Variants in ADAMTS20 observed in about 807,000 individuals in gnomAD.
ADAMTS20 encodes the protein A disintegrin and metalloproteinase with thrombospondin motifs 20.
In ADAMTS20, 225 loss-of-function variants were observed where a neutral mutation model predicts 260.1. That is an observed-to-expected ratio of 0.87 (90% CI 0.78 to 0.97). The LOEUF (loss-of-function observed/expected upper bound fraction) is 0.97. ADAMTS20 is among the 50% of genes least tolerant of loss of function. The probability of loss-of-function intolerance (pLI) is 0.00; values close to 1 mark genes in which losing one functional copy is unlikely to be tolerated. For synonymous variants in ADAMTS20, 802 were observed against 769.5 expected (o/e 1.04, Z -0.70); for missense variants, 2,400 against 2,337.7 (o/e 1.03, Z -0.55).
intron 29 of ADAMTS20, among the ~76,000 whole-genome samples, chr12:43,397,148 T>C (rs570573504): frequency 6.6e-6 from 1 of 152,312 alleles, no homozygotes; most frequent in Admixed American, 6.5e-5. Context: ...ATTTAAGAGA[T>C]GGTGAGTATT....
chr12:43,437,738 A>G (rs1212107383), intron 18 of ADAMTS20, among the ~76,000 whole-genome samples: 1 of 152,202 alleles, frequency 6.6e-6, no homozygotes, highest in Non-Finnish European at 1.5e-5. Context: ...TAAATCAAAA[A>G]GAGGGACTGA....
At chr12:43,395,879 T>C (rs918976151) in intron 29 of ADAMTS20, among the ~76,000 whole-genome samples, 1 of 151,874 alleles carries the variant, frequency 6.6e-6, no homozygotes, top group Non-Finnish European at 1.5e-5. Context: ...TTCAGAATAT[T>C]TTTTTCCTAG....
At chr12:43,398,421 TG>T (rs1484796803) in intron 29 of ADAMTS20, among the ~76,000 whole-genome samples, 1 of 152,154 alleles carries the variant, frequency 6.6e-6, no homozygotes, top group Non-Finnish European at 1.5e-5. Flanking sequence ...GCTTCATTTT[TG>T]CTGAGTCTTT....
intron 2 of ADAMTS20, among the ~76,000 whole-genome samples, chr12:43,547,868 A>C (rs539262268): frequency 6.6e-6 from 1 of 152,338 alleles, no homozygotes; most frequent in East Asian, 1.9e-4. Context: ...ATAAGTTCTC[A>C]GGCCCAGAAA....
chr12:43,453,264 A>G (rs950792382), intron 12 of ADAMTS20, among the ~76,000 whole-genome samples: 2 of 152,200 alleles, frequency 1.3e-5, no homozygotes, highest in African/African-American at 4.8e-5. Flanking sequence ...AGAGTAAGTC[A>G]CATTTCTGCA....
chr12:43,356,397 A>G, intron 38 of ADAMTS20, 87 bp downstream of exon 38: 5 of 782,304 alleles, frequency 6.4e-6, no homozygotes, highest in Non-Finnish European at 1.0e-5. Flanking sequence ...AATTTCATAT[A>G]AGTTTACATT....
intron 27 of ADAMTS20, among the ~76,000 whole-genome samples, chr12:43,426,707 G>A (rs1237413331): frequency 1.3e-5 from 2 of 152,082 alleles, no homozygotes; most frequent in Non-Finnish European, 2.9e-5. Flanking sequence ...GATTAAACAT[G>A]TTTTATATTT....
chr12:43,366,595 A>T (rs1332305987), intron 37 of ADAMTS20, among the ~76,000 whole-genome samples: 2 of 151,900 alleles, frequency 1.3e-5, no homozygotes, highest in Admixed American at 1.3e-4. Flanking sequence ...TTAGTGGATA[A>T]AATAACACAG....
intron 7 of ADAMTS20, among the ~76,000 whole-genome samples, chr12:43,479,245 A>G (rs919587487): frequency 2.6e-5 from 4 of 152,236 alleles, no homozygotes. Context: ...CGAGGTAACT[A>G]ATTGTAAAAT....
chr12:43,415,426 A>G lies in ADAMTS20; in HGVS notation c.4284+10088T>C, dbSNP rs143176026. Among the ~76,000 whole-genome samples, 1,092 of 152,318 alleles carry G rather than the reference A, an allele frequency of 7.2e-3. 16 individuals are homozygous for G. Among genetic ancestry groups the G allele is most frequent in the African/African-American group, 0.026 (1,070 of 41,566 alleles). On this transcript the variant is annotated intron_variant, in intron 28 of 38. Coordinates refer to ENST00000389420, the MANE Select transcript of ADAMTS20 (RefSeq NM_025003.5). ...ACTAGAGTACAACTTTCTCAAGTAG[A>G]CTTGTTTCAGATTGTTTGAAATATT...
At chr12:43,491,573 T>G (rs1942600528) in intron 6 of ADAMTS20, among the ~76,000 whole-genome samples, 1 of 152,186 alleles carries the variant, frequency 6.6e-6, no homozygotes, top group Non-Finnish European at 1.5e-5. Flanking sequence ...GTAGTATCAC[T>G]GTTGCTGAAA....
chr12:43,371,445 C>G (rs1250423284), intron 36 of ADAMTS20, among the ~76,000 whole-genome samples: 5 of 152,082 alleles, frequency 3.3e-5, no homozygotes, highest in Non-Finnish European at 7.3e-5. Flanking sequence ...CAGGAAGAGA[C>G]AAGTTATAAA....
chr12:43,442,752 A>T (rs1941691004), intron 16 of ADAMTS20, among the ~76,000 whole-genome samples: 1 of 152,212 alleles, frequency 6.6e-6, no homozygotes. Flanking sequence ...AAGGCTAATA[A>T]ATCAAACTAT....
rs58435633 is a variant in ADAMTS20, at chr12:43,514,560, C to CAAAAAA, written c.614-12161_614-12156dup. On this transcript the variant is annotated intron_variant, in intron 3 of 38. Transcript: ENST00000389420. ...CCGGTGACAGAGTGAGACTCTATCT[C>CAAAAAA]AAAAAAAAAAAAAAAAAAAAAAAAA... Among the ~76,000 whole-genome samples, 10 of 63,696 alleles carry CAAAAAA rather than the reference C, an allele frequency of 1.6e-4. 2 individuals carry two copies. Among genetic ancestry groups the CAAAAAA allele is most frequent in the African/African-American group, 4.2e-4 (4 of 9,594 alleles). The allele number at this position is 63,696 out of a possible 152,430, so 41.8% of individuals were successfully genotyped here. A position where few individuals can be genotyped will look rare whatever the true frequency, so the allele number is the denominator to read the frequency against.
chr12:43,527,366 A>G (rs969248031), intron 3 of ADAMTS20, among the ~76,000 whole-genome samples: 4 of 152,204 alleles, frequency 2.6e-5, no homozygotes, highest in African/African-American at 4.8e-5. Context: ...CTCTGATACC[A>G]AAACCAGGAA....
intron 18 of ADAMTS20, among the ~76,000 whole-genome samples, chr12:43,437,626 G>A (rs1016797144): frequency 3.3e-5 from 5 of 152,088 alleles, no homozygotes; most frequent in Non-Finnish European, 7.4e-5. Context: ...ACTATTGATC[G>A]AGCATGAGAA....
chr12:43,516,140 A>G (rs1380505322), intron 3 of ADAMTS20, among the ~76,000 whole-genome samples: 2 of 151,902 alleles, frequency 1.3e-5, no homozygotes, highest in Non-Finnish European at 2.9e-5. Context: ...GAAACACTAT[A>G]TTTGTTTCCT....
chr12:43,524,334 GA>G (rs1943112753), intron 3 of ADAMTS20, among the ~76,000 whole-genome samples: 2 of 151,036 alleles, frequency 1.3e-5, no homozygotes, highest in African/African-American at 2.4e-5. Context: ...CCTTAAGATG[GA>G]AAAAAAGAAA....
chr12:43,354,289 T>C lies in ADAMTS20; in HGVS notation c.5653A>G (p.Arg1885Gly), dbSNP rs1175048406. 25 of 1,586,028 alleles carry C rather than the reference T, an allele frequency of 1.6e-5. No homozygotes were observed. Among genetic ancestry groups the C allele is most frequent in the Non-Finnish European group, 2.1e-5 (25 of 1,164,374 alleles). The stretch of plus-strand genomic sequence containing the variant: ...TACCCTCCACATTTGCCGAAAAATC[T>C]AGTTCCATCCTGAAAATCGGAAGAA... ...VSIRRSEDGT[R>G]FFGKCGGYCG... The change falls in exon 39 of 39, where the codon AGA (arginine) becomes GGA (glycine). Residue 1885 changes from arginine (R) to glycine (G), a missense_variant. Coordinates refer to ENST00000389420, the MANE Select transcript of ADAMTS20 (RefSeq NM_025003.5).
Sources: allele counts gnomAD v4.1 joint callset (sites outside exome capture counted in the v4.1 genomes callset), GRCh38; gene constraint gnomAD v4.1.1; transcripts MANE v1.5; gene names NCBI Gene and HGNC (gene_info 2026-07-23, HGNC 2026-07-21).